NWD1: variants seen among roughly 807,000 people sequenced by gnomAD.
NWD1 encodes NACHT domain- and WD repeat-containing protein 1.
Under a neutral mutation model 135.1 loss-of-function variants are expected in NWD1, and 129 were observed. The ratio of observed to expected loss-of-function variants is 0.96; its 90% CI spans 0.83 to 1.11. The LOEUF (loss-of-function observed/expected upper bound fraction) is 1.11. Among genes scored for constraint, NWD1 ranks in the 50% least tolerant of loss-of-function variants. NWD1 has a pLI of 0.00. For missense variants in NWD1, 1,740 were observed against 1,851.3 expected (o/e 0.94, Z 1.10); for synonymous variants, 773 against 786.0 (o/e 0.98, Z 0.28).
rs1393067847 is a variant in NWD1 at position 16,731,186 on chromosome 19, T to C, written c.-6-6T>C. 4 of 1,504,868 alleles carry C rather than the reference T, an allele frequency of 2.7e-6. No homozygotes were observed. The African/African-American group carries it at 5.5e-5, about 21-fold the overall frequency. 93.2% of individuals were successfully genotyped at this position (1,504,868 alleles called of 1,614,324 possible). A position where few individuals can be genotyped will look rare whatever the true frequency, so the allele number is the denominator to read the frequency against. ...CCACTAATACCCTCCATGCCCTTCC[T>C]TGCAGATATGGATGCAGAGAGGGAA... On this transcript the variant is annotated splice_region_variant and splice_polypyrimidine_tract_variant and intron_variant, in intron 2 of 18. Transcript: ENST00000524140.
rs139849705 is a variant in NWD1 at position 16,749,542 on chromosome 19, C to A, written c.900C>A (p.His300Gln). ...CGTGGCTCTACCAAGAGATCCGCCA[C>A]CACCTTTGGCAGAGCTCGGAGGTCA... ...ELAWLYQEIRHHLWQSSEVIQ... is the reference protein window; with the variant it reads ...ELAWLYQEIRQHLWQSSEVIQ... Residue 300 changes from histidine to glutamine, a missense_variant, in exon 6 of 19, where the codon CAC becomes CAA. By Grantham distance (24) the His-to-Gln change is conservative. Coordinates refer to ENST00000524140, the MANE Select transcript of NWD1 (RefSeq NM_001007525.5). 6.2e-7 allele frequency: 1 copy of A among 1,612,876 alleles called. No individual in the cohort carries two copies. The highest frequency in any genetic ancestry group is 8.5e-7 in the Non-Finnish European group (1 of 1,178,978).
At chr19:16,747,898 TCATC>T (rs1019486064) in intron 5 of NWD1, among the ~76,000 whole-genome samples, 1 of 152,230 alleles carries the variant, frequency 6.6e-6, no homozygotes, top group Admixed American at 6.5e-5. Context: ...TGTGAGTACT[TCATC>T]CATTTCAATG....
chr19:16,723,375 T>G (rs1312594544), intron 1 of NWD1, among the ~76,000 whole-genome samples: 1 of 152,164 alleles, frequency 6.6e-6, no homozygotes, highest in Non-Finnish European at 1.5e-5. Flanking sequence ...ATTTTTAAAT[T>G]TTTTGTAGAA....
chr19:16,755,816 G>A (rs949668908), intron 6 of NWD1, among the ~76,000 whole-genome samples: 4 of 152,070 alleles, frequency 2.6e-5, no homozygotes, highest in Admixed American at 1.3e-4. Flanking sequence ...GGGATTACAG[G>A]CGTGAGCCAC....
chr19:16,748,993 C>G, intron 5 of NWD1, 146 bp from the exon 6 acceptor site: 1 of 656,344 alleles, frequency 1.5e-6, no homozygotes, highest in Non-Finnish European at 2.6e-6. Flanking sequence ...TGGGTCTTTT[C>G]GAGACCCCCA....
At chr19:16,799,065 T>G (rs1256895581) in intron 16 of NWD1, among the ~76,000 whole-genome samples, 6 of 152,186 alleles carry the variant, frequency 3.9e-5, no homozygotes, top group Non-Finnish European at 7.4e-5. Flanking sequence ...TGGGAACTGC[T>G]CTGGAAGCTG....
At chr19:16,788,461 T>C (rs1486905610) in intron 12 of NWD1, among the ~76,000 whole-genome samples, 1 of 146,372 alleles carries the variant, frequency 6.8e-6, no homozygotes, top group Non-Finnish European at 1.5e-5. Context: ...CCCAGCTACA[T>C]GGGAGGCTGA....
At chr19:16,809,772 T>C (rs1210227804) in intron 18 of NWD1, among the ~76,000 whole-genome samples, 1 of 151,818 alleles carries the variant, frequency 6.6e-6, no homozygotes, top group South Asian at 2.1e-4. Flanking sequence ...TTAGCCAGGA[T>C]GGTCTCAATC....
In NWD1 at chr19:16,749,708, G is replaced by A. The variant is rs760834194; in HGVS notation, c.1066G>A (p.Glu356Lys). 5 of 1,603,390 alleles carry A rather than the reference G, an allele frequency of 3.1e-6. No homozygotes were observed. The African/African-American group carries it at 4.0e-5, about 13-fold the overall frequency. The change falls in exon 6 of 19, where the codon GAG becomes AAG. Residue 356 changes from glutamate (E) to lysine (K), a missense_variant. Glu to Lys is a moderately conservative substitution (Grantham distance 56, BLOSUM62 1). Coordinates refer to ENST00000524140, the MANE Select transcript of NWD1 (RefSeq NM_001007525.5). ...GACAGCCCTGATGTGCAAGCTGGCT[G>A]AGCAGATGCCAAGGCTGCTGGGGCA... ...GKTALMCKLA[E>K]QMPRLLGHKT...
At chr19:16,746,079 G>T (rs1432985292) in intron 5 of NWD1, among the ~76,000 whole-genome samples, 2 of 152,132 alleles carry the variant, frequency 1.3e-5, no homozygotes, top group African/African-American at 2.4e-5. Context: ...TGTTGACCAG[G>T]TGTGGTGGCT....
At chr19:16,728,562 G>A (rs2122683381) in intron 2 of NWD1, among the ~76,000 whole-genome samples, 1 of 152,006 alleles carries the variant, frequency 6.6e-6, no homozygotes, top group East Asian at 1.9e-4. Context: ...TGGGATTACA[G>A]GCGTGAGCCA....
intron 18 of NWD1, among the ~76,000 whole-genome samples, chr19:16,811,644 A>G (rs528301680): frequency 6.6e-5 from 10 of 152,036 alleles, no homozygotes; most frequent in Non-Finnish European, 1.0e-4. Context: ...AAAGAAATTG[A>G]GTCCTACAAT....
intron 10 of NWD1, among the ~76,000 whole-genome samples, chr19:16,765,829 C>G (rs1969201849): frequency 6.6e-6 from 1 of 151,818 alleles, no homozygotes; most frequent in African/African-American, 2.4e-5. Context: ...CCAGCCTGGT[C>G]AATATGGTGA....
At chr19:16,752,405 C>T (rs1368461280) in intron 6 of NWD1, among the ~76,000 whole-genome samples, 1 of 152,130 alleles carries the variant, frequency 6.6e-6, no homozygotes, top group Non-Finnish European at 1.5e-5. Context: ...CCTGTAATGC[C>T]AGCGTTTTGG....
chr19:16,749,087 C>A, intron 5 of NWD1, 52 bp from the exon 6 acceptor site: 1 of 1,441,620 alleles, frequency 6.9e-7, no homozygotes, highest in Admixed American at 2.0e-5. Flanking sequence ...TTTAGGTCAG[C>A]TGCTGACCCA....
rs559103963 is a variant in NWD1, at chr19:16,816,324, T to C, written c.*1285T>C. 1 of 152,348 alleles carries C rather than the reference T, an allele frequency of 6.6e-6. No homozygotes were observed. Among genetic ancestry groups the C allele is most frequent in the South Asian group, 2.1e-4 (1 of 4,832 alleles). 9.4% of individuals were successfully genotyped at this position (152,348 alleles called of 1,614,324 possible). Reference sequence around the variant, plus strand: ...TGCAAAAATGTTCTGACTTTTAAAGTTGGCGATTGGTTGAATTTATATCTA... The same window carrying C: ...TGCAAAAATGTTCTGACTTTTAAAGCTGGCGATTGGTTGAATTTATATCTA... On this transcript the variant is annotated 3_prime_UTR_variant, in exon 19 of 19. Coordinates refer to ENST00000524140, the MANE Select transcript of NWD1 (RefSeq NM_001007525.5).
chr19:16,744,677 G>A lies in NWD1; in HGVS notation c.455G>A (p.Gly152Glu), dbSNP rs1016560194. The stretch of plus-strand genomic sequence containing the variant: ...GGAGCCCAGGAGGCCCGGAGGCTGG[G>A]GCTCATCACCCAGGAGCAGTGGCAG... ...RSGAQEARRL[G>E]LITQEQWQHY... The change falls in exon 5 of 19, where the codon GGG becomes GAG. Residue 152 changes from glycine (G) to glutamate (E), a missense_variant. Gly to Glu is a moderately conservative substitution (Grantham distance 98, BLOSUM62 -2). Coordinates refer to ENST00000524140, the MANE Select transcript of NWD1 (RefSeq NM_001007525.5). The A allele has an allele frequency of 5.9e-6, 9 of 1,535,856 alleles. No homozygotes were observed. The South Asian group carries it at 7.1e-5, about 12-fold the overall frequency.
intron 12 of NWD1, among the ~76,000 whole-genome samples, chr19:16,780,574 A>G (rs1018779589): frequency 6.6e-6 from 1 of 152,194 alleles, no homozygotes; most frequent in Admixed American, 6.6e-5. Context: ...AGAGCAGTCC[A>G]GTAGGGAAAT....
chr19:16,731,105 G>A (rs976349446), intron 2 of NWD1, 87 bp from the exon 3 acceptor site: 9 of 709,824 alleles, frequency 1.3e-5, no homozygotes, highest in Non-Finnish European at 2.1e-5. Flanking sequence ...AAAGACAAAA[G>A]TAAATCAATA....
Sources: allele counts gnomAD v4.1 joint callset (sites outside exome capture counted in the v4.1 genomes callset), GRCh38; gene constraint gnomAD v4.1.1; transcripts MANE v1.5; gene names NCBI Gene and HGNC (gene_info 2026-07-23, HGNC 2026-07-21).